PTP4A1: variants seen among roughly 807,000 people sequenced by gnomAD.
The protein encoded by PTP4A1 is protein tyrosine phosphatase type IVA 1.
A neutral mutation model predicts 20.5 loss-of-function variants in PTP4A1; 9 were observed. That is an observed-to-expected ratio of 0.44 (90% confidence interval 0.26 to 0.77). PTP4A1 has a LOEUF of 0.77. PTP4A1 is among the 30% of genes least tolerant of loss of function. PTP4A1 has a pLI of 0.19. For synonymous variants in PTP4A1, 78 were observed against 67.4 expected, an observed-to-expected ratio of 1.16 and a Z score of -0.77; for missense variants, 137 against 218.8, an observed-to-expected ratio of 0.63 and a Z score of 2.36.
At chr6:63,534,605 AAG>A (rs966714742) in intron 2 of PTP4A1, among the ~76,000 whole-genome samples, 2 of 151,926 alleles carry the variant, frequency 1.3e-5, no homozygotes, top group African/African-American at 4.8e-5. Flanking sequence ...GCTTGAGCCC[AAG>A]AGTTAGCCCA....
intron 2 of PTP4A1, among the ~76,000 whole-genome samples, chr6:63,545,402 G>A (rs1479702718): frequency 1.3e-5 from 2 of 152,132 alleles, no homozygotes; most frequent in Admixed American, 6.5e-5. Flanking sequence ...CTGAGGTCAG[G>A]AGCTTGAGAC....
chr6:63,579,972 G>A (rs963015821), intron 5 of PTP4A1, 85 bp from the exon 6 acceptor site: 9 of 956,318 alleles, frequency 9.4e-6, no homozygotes, highest in African/African-American at 5.0e-5. Flanking sequence ...ATTGCCACAA[G>A]AGAGGTGATG....
upstream of PTP4A1, among the ~76,000 whole-genome samples, chr6:63,518,179 A>G (rs976318444): frequency 5.3e-5 from 8 of 150,892 alleles, no homozygotes; most frequent in South Asian, 2.1e-4. Flanking sequence ...AAAAAATCTC[A>G]GTAGGTTTCT....
chr6:63,549,561 T>C (rs966342134), intron 2 of PTP4A1: 1 of 610,234 alleles, frequency 1.6e-6, no homozygotes, highest in African/African-American at 1.9e-5. Context: ...TTGACAAGAT[T>C]TGAAGTTTTT....
upstream of PTP4A1, chr6:63,572,152 T>C (rs2149505385): frequency 6.5e-6 from 1 of 152,758 alleles, no homozygotes; most frequent in Non-Finnish European, 1.5e-5. Context: ...CCGTTTTAAT[T>C]ATGAGAAACG....
At chr6:63,559,044 A>C (rs1776814239) in intron 3 of PTP4A1, among the ~76,000 whole-genome samples, 1 of 152,226 alleles carries the variant, frequency 6.6e-6, no homozygotes, top group African/African-American at 2.4e-5. Flanking sequence ...GGCGAGAAGG[A>C]TAGATCATTT....
Position 63,576,818 on chromosome 6 carries a change from T to A in PTP4A1, c.-63T>A. On this transcript the variant is annotated 5_prime_UTR_variant, in exon 2 of 6. Coordinates refer to ENST00000626021, the MANE Select transcript of PTP4A1 (RefSeq NM_003463.5). ...AGTAGACTTCAGTTTCTTTGCATCA[T>A]TTCTGTATTCAATTTTTTTAATTAT... 3 of 1,348,644 alleles carry A rather than the reference T, an allele frequency of 2.2e-6. No individual in the cohort carries two copies. The highest frequency in any genetic ancestry group is 1.0e-6 in the Non-Finnish European group (1 of 958,234). 83.5% of individuals were successfully genotyped at this position (1,348,644 alleles called of 1,614,324 possible). A position where few individuals can be genotyped will look rare whatever the true frequency, so the allele number is the denominator to read the frequency against.
chr6:63,530,702 A>G (rs1775416275), intron 2 of PTP4A1, among the ~76,000 whole-genome samples: 1 of 152,236 alleles, frequency 6.6e-6, no homozygotes, highest in African/African-American at 2.4e-5. Flanking sequence ...ACATAGAAAA[A>G]TGATCAGAAG....
intron 1 of PTP4A1, among the ~76,000 whole-genome samples, chr6:63,524,914 G>A (rs1775093824): frequency 6.6e-6 from 1 of 152,134 alleles, no homozygotes; most frequent in African/African-American, 2.4e-5. Flanking sequence ...TACCTCAGAG[G>A]CATTCTTCAT....
Position 63,572,600 on chromosome 6 carries a change from C to G in PTP4A1, c.-565C>G. On this transcript the variant is annotated 5_prime_UTR_variant, in exon 1 of 6. Transcript: ENST00000626021. ...GCCGCCGCCTGCATCGCCGCCACCG[C>G]CGCTCCGCCACGACCACCGCCGCCT... is the stretch of plus-strand genomic sequence containing the variant. 2.4e-6 allele frequency: 1 copy of G among 418,998 alleles called. No homozygotes were observed. The highest frequency in any genetic ancestry group is 4.1e-6 in the Non-Finnish European group (1 of 242,768). The allele number at this position is 418,998 out of a possible 1,614,324, so 26.0% of individuals were successfully genotyped here.
upstream of PTP4A1, among the ~76,000 whole-genome samples, chr6:63,569,939 T>C (rs1309476496): frequency 6.6e-6 from 1 of 152,246 alleles, no homozygotes; most frequent in Admixed American, 6.5e-5. Flanking sequence ...GATGTTCTAC[T>C]GTTCTCCAAG....
intron 2 of PTP4A1, among the ~76,000 whole-genome samples, chr6:63,546,430 G>C (rs1460439320): frequency 6.6e-6 from 1 of 152,244 alleles, no homozygotes; most frequent in Non-Finnish European, 1.5e-5. Flanking sequence ...ATTTGGCCGG[G>C]TGCGGTGGCT....
rs149816557 is a variant in PTP4A1 at position 63,532,245 on chromosome 6, A to G, written c.-640+4161A>G. ...TTGAAAACTTTCTTCTAGTGTCACA[A>G]TTTATTATGAGTGAAGTCATACAAA... On this transcript the variant is annotated intron_variant, in intron 2 of 3. Transcript: ENST00000639568. 1.2e-4 allele frequency among the ~76,000 whole-genome samples: 19 copies of G among 152,350 alleles called. No homozygotes were observed. In the East Asian group the frequency reaches 3.5e-3, roughly 28 times the overall value.
At chr6:63,575,753 T>G (rs1300552369) in intron 1 of PTP4A1, among the ~76,000 whole-genome samples, 2 of 152,190 alleles carry the variant, frequency 1.3e-5, no homozygotes. Context: ...TCTTATGATA[T>G]TTCACATAAC....
intron 3 of PTP4A1, among the ~76,000 whole-genome samples, chr6:63,566,652 C>G (rs529313172): frequency 6.6e-6 from 1 of 152,320 alleles, no homozygotes; most frequent in South Asian, 2.1e-4. Flanking sequence ...GAGAATCCTG[C>G]CTCAGTGATG....
chr6:63,532,898 AT>A (rs911746095), intron 2 of PTP4A1, among the ~76,000 whole-genome samples: 8 of 152,206 alleles, frequency 5.3e-5, no homozygotes, highest in African/African-American at 1.7e-4. Context: ...TTTTTAGCTA[AT>A]CCATTAATAA....
chr6:63,577,070 A>G (rs1322858691), intron 2 of PTP4A1, 85 bp downstream of exon 2: 10 of 1,024,956 alleles, frequency 9.8e-6, no homozygotes, highest in Non-Finnish European at 1.5e-5. Flanking sequence ...ACTACTTTGG[A>G]AAAAATGAGA....
At chr6:63,518,088 G>A (rs1774796128), upstream of PTP4A1, among the ~76,000 whole-genome samples, 1 of 149,070 alleles carries the variant, frequency 6.7e-6, no homozygotes, top group Admixed American at 6.8e-5. Flanking sequence ...GGAGGCGGAG[G>A]TTGCTGTGAG....
Position 63,579,065 on chromosome 6 carries a change from C to A in PTP4A1, c.329+37C>A, listed in dbSNP as rs148679337. ...TATCAATTTGATTCTAGGTAAAAAT[C>A]TATTGATAATGAAAATACAGAAACT... On this transcript the variant is annotated intron_variant, in intron 4 of 5. Transcript: ENST00000626021. The A allele has an allele frequency of 9.2e-4, 1,410 of 1,530,418 alleles. 3 individuals are homozygous for A. The highest frequency in any genetic ancestry group is 8.7e-4 in the Non-Finnish European group (1,000 of 1,143,100). 94.8% of individuals were successfully genotyped at this position (1,530,418 alleles called of 1,614,324 possible).
Sources: allele counts gnomAD v4.1 joint callset (sites outside exome capture counted in the v4.1 genomes callset), GRCh38; gene constraint gnomAD v4.1.1; transcripts MANE v1.5; gene names NCBI Gene and HGNC (gene_info 2026-07-23, HGNC 2026-07-21).